Variants in MACROD2 observed in about 807,000 individuals in gnomAD.
MACROD2 encodes the protein ADP-ribose glycohydrolase MACROD2.
In MACROD2, 36 loss-of-function variants were observed where a neutral mutation model predicts 70.4. The observed-to-expected ratio is 0.51, with a 90% confidence interval of 0.39 to 0.68. MACROD2 has a LOEUF of 0.68. Ranked by LOEUF, MACROD2 falls within the 30% of genes least tolerant of loss-of-function variation. MACROD2 has a pLI of 0.00. For missense variants in MACROD2, 496 were observed against 538.4 expected, an observed-to-expected ratio of 0.92 and a Z score of 0.78; for synonymous variants, 172 against 178.8, an observed-to-expected ratio of 0.96 and a Z score of 0.30.
At chr20:15,407,668 A>C (rs950878279) in intron 6 of MACROD2, among the ~76,000 whole-genome samples, 7 of 152,192 alleles carry the variant, frequency 4.6e-5, no homozygotes, top group Admixed American at 4.6e-4. Context: ...TCTGTGCCTC[A>C]GTTTCCTCAT....
At chr20:14,454,323 A>T (rs961745664) in intron 3 of MACROD2, among the ~76,000 whole-genome samples, 3 of 151,866 alleles carry the variant, frequency 2.0e-5, no homozygotes, top group Non-Finnish European at 4.4e-5. Flanking sequence ...CTCCTTTACC[A>T]TATCAACTGT....
intron 3 of MACROD2, among the ~76,000 whole-genome samples, chr20:14,486,069 A>G (rs1270262625): frequency 1.3e-5 from 2 of 152,146 alleles, no homozygotes; most frequent in Non-Finnish European, 2.9e-5. Flanking sequence ...CAGATGATGC[A>G]GTCAAATTAC....
intron 5 of MACROD2, among the ~76,000 whole-genome samples, chr20:14,871,759 G>A (rs2073490984): frequency 6.6e-6 from 1 of 152,070 alleles, no homozygotes; most frequent in South Asian, 2.1e-4. Context: ...TCATAGATAT[G>A]CTATCTTCAA....
rs189034518 is a variant in MACROD2, at chr20:15,373,334, T to C, written c.541-58071T>C. On this transcript the variant is annotated intron_variant, in intron 6 of 17. Coordinates refer to ENST00000684519, the MANE Select transcript of MACROD2 (RefSeq NM_001351661.2). ...AACCCCATATATCTTATTTATTATC[T>C]TCAAAACTGATTTAAATATTCTTGA... 1.6e-3 allele frequency among the ~76,000 whole-genome samples: 250 copies of C among 152,314 alleles called. 1 individual carries two copies. Among genetic ancestry groups the C allele is most frequent in the Non-Finnish European group, 2.1e-3 (141 of 68,030 alleles).
chr20:14,325,641 C>T, intron 3 of MACROD2: 1 of 1,613,724 alleles, frequency 6.2e-7, no homozygotes, highest in South Asian at 1.1e-5. Flanking sequence ...TGTTTTTGTA[C>T]AGATTCATTC....
At chr20:14,218,202 G>A (rs2081640328) in intron 3 of MACROD2, among the ~76,000 whole-genome samples, 1 of 152,156 alleles carries the variant, frequency 6.6e-6, no homozygotes, top group Admixed American at 6.5e-5. Context: ...CCCAGTGTTA[G>A]GTGCATATAT....
intron 5 of MACROD2, among the ~76,000 whole-genome samples, chr20:14,804,865 G>A (rs1175164935): frequency 2.0e-5 from 3 of 151,304 alleles, no homozygotes; most frequent in Non-Finnish European, 4.4e-5. Flanking sequence ...AGGTGTGTGT[G>A]TGTGTGTGCT....
chr20:14,808,577 C>T (rs1002398579), intron 5 of MACROD2, among the ~76,000 whole-genome samples: 14 of 151,992 alleles, frequency 9.2e-5, no homozygotes, highest in Non-Finnish European at 1.5e-4. Flanking sequence ...CAAATTCACA[C>T]ATAACAATAT....
At position 15,984,972 on chromosome 20, in the gene MACROD2, C is replaced by T. The variant is rs139497448; in HGVS notation, c.986-1755C>T. ...AGCTGTAACTGTCTATGTACGGAAA[C>T]TGGCCTGGGTGCCTTGGCTTACAGG... is the stretch of plus-strand genomic sequence containing the variant. On this transcript the variant is annotated intron_variant, in intron 13 of 17. Coordinates refer to ENST00000684519, the MANE Select transcript of MACROD2 (RefSeq NM_001351661.2). Among the ~76,000 whole-genome samples the T allele has an allele frequency of 8.7e-4, 132 of 152,234 alleles. No homozygotes were observed. In the East Asian group the frequency reaches 0.023, roughly 26 times the overall value.
intron 3 of MACROD2, among the ~76,000 whole-genome samples, chr20:14,484,108 A>G (rs1474469175): frequency 6.6e-6 from 1 of 151,226 alleles, no homozygotes; most frequent in East Asian, 1.9e-4. Flanking sequence ...ATTTACAAAC[A>G]TAGAATAATA....
intron 5 of MACROD2, among the ~76,000 whole-genome samples, chr20:15,056,860 ATAT>A (rs2075490193): frequency 6.6e-6 from 1 of 152,226 alleles, no homozygotes; most frequent in Non-Finnish European, 1.5e-5. Flanking sequence ...TAACTTTCAG[ATAT>A]CAGGAGAAAC....
chr20:15,259,969 T>G (rs974459427), intron 6 of MACROD2, among the ~76,000 whole-genome samples: 3 of 151,884 alleles, frequency 2.0e-5, no homozygotes, highest in Non-Finnish European at 2.9e-5. Flanking sequence ...AGGAATGGAA[T>G]GTTATCTCTC....
intron 5 of MACROD2, among the ~76,000 whole-genome samples, chr20:15,163,066 T>A (rs896175844): frequency 1.3e-5 from 2 of 152,044 alleles, no homozygotes; most frequent in African/African-American, 4.8e-5. Flanking sequence ...ACAAGGAGAT[T>A]AAAATAATCT....
At chr20:15,349,837 A>G (rs1037289095) in intron 6 of MACROD2, among the ~76,000 whole-genome samples, 2 of 151,656 alleles carry the variant, frequency 1.3e-5, no homozygotes, top group African/African-American at 4.8e-5. Flanking sequence ...CACAGTAGAG[A>G]AACTTTCGAA....
At chr20:15,771,044 A>G (rs2051616047) in intron 8 of MACROD2, among the ~76,000 whole-genome samples, 2 of 152,178 alleles carry the variant, frequency 1.3e-5, no homozygotes, top group Admixed American at 1.3e-4. Flanking sequence ...AATTTTCCAC[A>G]TTCTGCTACA....
intron 5 of MACROD2, among the ~76,000 whole-genome samples, chr20:14,728,900 T>C (rs6110408): frequency 0.69 from 104,861 of 152,016 alleles, 36,272 homozygotes; most frequent in South Asian, 0.74. Flanking sequence ...ATCCAAGAGA[T>C]ATTAAAATAA....
intron 3 of MACROD2, among the ~76,000 whole-genome samples, chr20:14,110,638 A>T (rs568643674): frequency 2.0e-5 from 3 of 151,926 alleles, no homozygotes; most frequent in Non-Finnish European, 4.4e-5. Context: ...CAATAGCTAC[A>T]AATAAAATTA....
chr20:14,707,485 G>C (rs2071283434), intron 5 of MACROD2, among the ~76,000 whole-genome samples: 1 of 152,070 alleles, frequency 6.6e-6, no homozygotes, highest in Admixed American at 6.6e-5. Context: ...CCTCCCTCTA[G>C]AACAAAATCC....
intron 5 of MACROD2, among the ~76,000 whole-genome samples, chr20:15,207,447 T>G (rs959082458): frequency 2.1e-5 from 3 of 140,690 alleles, no homozygotes; most frequent in East Asian, 2.0e-4. Context: ...TTTTTTTTTT[T>G]TTTTTTTTTT....
Sources: allele counts gnomAD v4.1 joint callset (sites outside exome capture counted in the v4.1 genomes callset), GRCh38; gene constraint gnomAD v4.1.1; transcripts MANE v1.5; gene names NCBI Gene and HGNC (gene_info 2026-07-23, HGNC 2026-07-21).